The following ASCC3 variants were observed in gnomAD, a reference collection of about 807,000 sequenced individuals.
The protein encoded by ASCC3 is ASC-1 complex subunit P200.
Under a neutral mutation model 256.3 loss-of-function variants are expected in ASCC3, and 158 were observed. That is an observed-to-expected ratio of 0.62 (90% CI 0.54 to 0.70). The LOEUF (loss-of-function observed/expected upper bound fraction) is 0.70, where lower values mean the gene tolerates loss of function less well. Among genes scored for constraint, ASCC3 ranks in the 30% least tolerant of loss-of-function variants. The pLI is 0.00. For synonymous variants in ASCC3, 948 were observed against 883.4 expected (o/e 1.07, Z -1.30); for missense variants, 2,259 against 2,626.0 (o/e 0.86, Z 3.05).
rs143087447 is a variant in ASCC3 at position 100,642,629 on chromosome 6, T to C, written c.3853A>G (p.Ile1285Val). ...RWLGAEAVCI[I>V]NFQHLILPER... is the part of the protein sequence containing the mutation. ...GGTAGAATTAGATGTTGAAAGTTGA[T>C]AATACATACTGCCTCAGCACCCAAC... Residue 1285 changes from isoleucine to valine, a missense_variant, in exon 24 of 42, where the codon ATC becomes GTC. By Grantham distance (29) the Ile-to-Val change is conservative. This residue lies in a region of ASCC3 where 1,839 missense variants were observed against 2,206.7 expected (regional missense o/e 0.83). Coordinates refer to ENST00000369162, the MANE Select transcript of ASCC3 (RefSeq NM_006828.4). 5.1e-4 allele frequency: 817 copies of C among 1,614,006 alleles called. No individual in the cohort carries two copies. Among genetic ancestry groups the C allele is most frequent in the Non-Finnish European group, 6.5e-4 (767 of 1,179,914 alleles).
chr6:100,532,404 ATATTTTTTTT>A (rs1443193760), intron 37 of ASCC3, among the ~76,000 whole-genome samples: 69 of 47,954 alleles, frequency 1.4e-3, no homozygotes, highest in East Asian at 4.1e-3. Context: ...ATATATATAT[ATATTTTTTTT>A]TTTTTTTTTT....
chr6:100,655,228 G>T (rs1012203880), intron 17 of ASCC3, among the ~76,000 whole-genome samples: 2 of 151,912 alleles, frequency 1.3e-5, no homozygotes, highest in Non-Finnish European at 2.9e-5. Flanking sequence ...GACTTGAATA[G>T]TGGAACTGAT....
At chr6:100,520,672 T>C (rs933118346) in intron 37 of ASCC3, among the ~76,000 whole-genome samples, 5 of 152,178 alleles carry the variant, frequency 3.3e-5, no homozygotes, top group Non-Finnish European at 5.9e-5. Context: ...AACTTTTCTA[T>C]GTTTAAATAT....
At chr6:100,788,270 A>G (rs1239178265) in intron 8 of ASCC3, among the ~76,000 whole-genome samples, 2 of 152,020 alleles carry the variant, frequency 1.3e-5, no homozygotes, top group Non-Finnish European at 2.9e-5. Flanking sequence ...ATGAGATACT[A>G]CTACACAACT....
chr6:100,807,788 G>C (rs1210198616), intron 4 of ASCC3, among the ~76,000 whole-genome samples: 1 of 151,488 alleles, frequency 6.6e-6, no homozygotes, highest in African/African-American at 2.4e-5. Context: ...AATATTCTGT[G>C]TGACAAAAGG....
chr6:100,867,797 A>T, intron 2 of ASCC3, 111 bp downstream of exon 2: 1 of 944,474 alleles, frequency 1.1e-6, no homozygotes, highest in South Asian at 1.4e-5. Flanking sequence ...CACACCAAAC[A>T]AGATAAAACT....
intron 13 of ASCC3, among the ~76,000 whole-genome samples, chr6:100,692,742 T>C (rs1777898531): frequency 6.6e-6 from 1 of 152,020 alleles, no homozygotes; most frequent in South Asian, 2.1e-4. Context: ...AAGGTTCTAT[T>C]CTCAATTCCA....
intron 13 of ASCC3, among the ~76,000 whole-genome samples, chr6:100,711,941 A>T (rs1778871587): frequency 6.6e-6 from 1 of 152,202 alleles, no homozygotes; most frequent in Non-Finnish European, 1.5e-5. Flanking sequence ...CAAACAGATT[A>T]ATGAAACAGA....
intron 8 of ASCC3, among the ~76,000 whole-genome samples, chr6:100,773,048 C>G (rs1782018081): frequency 6.6e-6 from 1 of 152,026 alleles, no homozygotes; most frequent in South Asian, 2.1e-4. Context: ...TATAGCCATA[C>G]CAGAATATTT....
At chr6:100,639,762 C>T (rs532681708) in intron 24 of ASCC3, among the ~76,000 whole-genome samples, 2 of 152,264 alleles carry the variant, frequency 1.3e-5, no homozygotes, top group African/African-American at 4.8e-5. Flanking sequence ...ACATAGGTAA[C>T]TGAGGGCTAA....
chr6:100,661,779 T>C (rs1776232623), intron 16 of ASCC3, 27 bp downstream of exon 16: 3 of 1,602,468 alleles, frequency 1.9e-6, no homozygotes, highest in South Asian at 2.2e-5. Context: ...ATGATTCTAT[T>C]CCAAACTTTT....
intron 4 of ASCC3, among the ~76,000 whole-genome samples, chr6:100,843,649 A>G (rs1355371601): frequency 6.6e-6 from 1 of 152,138 alleles, no homozygotes. Flanking sequence ...TTTTATTAAC[A>G]TCTTTTCCAT....
chr6:100,576,373 A>G (rs1770859453), intron 36 of ASCC3, among the ~76,000 whole-genome samples: 1 of 152,100 alleles, frequency 6.6e-6, no homozygotes, highest in Non-Finnish European at 1.5e-5. Context: ...ACAAGGTCAT[A>G]CATAATTTTA....
At chr6:100,787,165 C>T (rs576771239) in intron 8 of ASCC3, among the ~76,000 whole-genome samples, 1 of 152,104 alleles carries the variant, frequency 6.6e-6, no homozygotes, top group Non-Finnish European at 1.5e-5. Flanking sequence ...CTGTCACTCC[C>T]ATGATTATTT....
At chr6:100,521,232 C>T (rs925864306) in intron 37 of ASCC3, among the ~76,000 whole-genome samples, 28 of 151,956 alleles carry the variant, frequency 1.8e-4, no homozygotes, top group African/African-American at 6.5e-4. Flanking sequence ...TTAATAATGG[C>T]TCTGACGTAT....
At chr6:100,511,806 G>A (rs1183365301) in intron 40 of ASCC3, among the ~76,000 whole-genome samples, 1 of 152,032 alleles carries the variant, frequency 6.6e-6, no homozygotes, top group Non-Finnish European at 1.5e-5. Flanking sequence ...GAAATCAAAT[G>A]AGGTGAGACT....
rs148050027 is a variant in ASCC3 at position 100,810,190 on chromosome 6, A to G, written c.802-4310T>C. Among the ~76,000 whole-genome samples, 25 of 152,200 alleles carry G rather than the reference A, an allele frequency of 1.6e-4. No individual in the cohort carries two copies. In the East Asian group the frequency reaches 4.4e-3, roughly 27 times the overall value. On this transcript the variant is annotated intron_variant, in intron 4 of 41. Transcript: ENST00000369162. ...TGACACCAATCCATCTGCTACTCTG[A>G]AGGCATGCTCTTTCACATGTCCATG... is the stretch of plus-strand genomic sequence containing the variant.
At chr6:100,594,516 A>T (rs1456315910) in intron 34 of ASCC3, among the ~76,000 whole-genome samples, 1 of 152,184 alleles carries the variant, frequency 6.6e-6, no homozygotes, top group Admixed American at 6.5e-5. Context: ...ACAATAATAA[A>T]AAGACACAAG....
chr6:100,777,233 G>A (rs2115159333), intron 8 of ASCC3, among the ~76,000 whole-genome samples: 1 of 152,180 alleles, frequency 6.6e-6, no homozygotes, highest in Non-Finnish European at 1.5e-5. Context: ...CTTTACATGT[G>A]TGTGTATGTG....
Sources: gnomAD v4.1 joint callset for allele counts (sites outside exome capture counted in the v4.1 genomes callset) on GRCh38, gnomAD v4.1.1 for gene constraint, gnomAD v4.1.1 regional missense constraint, MANE v1.5 for transcripts, NCBI Gene and HGNC (gene_info 2026-07-23, HGNC 2026-07-21) for gene names.